Variants in EIF3A observed in about 807,000 individuals in gnomAD.
EIF3A encodes the protein EIF3, p180 subunit.
EIF3A carries 21 observed loss-of-function variants against 186.6 expected under a neutral mutation model. The observed-to-expected ratio is 0.11, with a 90% CI of 0.08 to 0.16. The LOEUF is 0.16. Among genes scored for constraint, EIF3A ranks in the 10% least tolerant of loss-of-function variants. EIF3A has a pLI of 1.00. For missense variants in EIF3A, 1,306 were observed against 1,796.3 expected (o/e 0.73, Z 4.93); for synonymous variants, 563 against 584.3 (o/e 0.96, Z 0.52).
rs1848251234 is a variant in EIF3A, at chr10:119,044,107, G to A, written c.2694C>T (p.Thr898=). The A allele has an allele frequency of 6.2e-7, 1 of 1,613,738 alleles. No homozygotes were observed. The highest frequency in any genetic ancestry group is 1.3e-5 in the African/African-American group (1 of 74,848). ...SRWGDRDSEG[T]WRKGPEADSE... The stretch of plus-strand genomic sequence containing the variant: ...AATCTGCTTCAGGTCCTTTTCTCCA[G>A]GTGCCTTCTGAATCTCTATCTCCCC... The change falls in exon 18 of 22, where the codon ACC becomes ACT. Residue 898 remains threonine (T), a synonymous_variant. Coordinates refer to ENST00000369144, the MANE Select transcript of EIF3A (RefSeq NM_003750.4).
At position 119,080,796 on chromosome 10, in the gene EIF3A, C is replaced by G; in HGVS notation, c.-120G>C. 1 of 1,434,014 alleles carries G rather than the reference C, an allele frequency of 7.0e-7. No homozygotes were observed. Among genetic ancestry groups the G allele is most frequent in the Middle Eastern group, 2.3e-4 (1 of 4,416 alleles). 88.8% of individuals were successfully genotyped at this position (1,434,014 alleles called of 1,614,324 possible). A position where few individuals can be genotyped will look rare whatever the true frequency, so the allele number is the denominator to read the frequency against. The stretch of plus-strand genomic sequence containing the variant: ...CGCCTCGCCAGCAGTCGCCCGCGCC[C>G]AGCCGGCCAGAGACGGAAAGGAAGG... On this transcript the variant is annotated 5_prime_UTR_variant, in exon 1 of 22. Transcript: ENST00000369144.
At chr10:119,065,267 C>A in intron 7 of EIF3A, 132 bp downstream of exon 7, 2 of 663,178 alleles carry the variant, frequency 3.0e-6, no homozygotes, top group Non-Finnish European at 5.2e-6. Flanking sequence ...GTGATTGACA[C>A]CAGTGCTTCC....
At chr10:119,056,628 C>T (rs1441638302) in intron 14 of EIF3A, 112 bp downstream of exon 14, 2 of 708,670 alleles carry the variant, frequency 2.8e-6, no homozygotes, top group East Asian at 2.7e-5. Flanking sequence ...GCCATTAGAG[C>T]ACCATTTCTA....
chr10:119,060,108 A>G (rs749874064), intron 9 of EIF3A: 1 of 510,708 alleles, frequency 2.0e-6, no homozygotes, highest in Non-Finnish European at 3.9e-6. Context: ...CACTACTCAC[A>G]TAAAAGAAAG....
At chr10:119,043,485 G>A (rs1372239976) in intron 18 of EIF3A, among the ~76,000 whole-genome samples, 3 of 151,710 alleles carry the variant, frequency 2.0e-5, no homozygotes, top group South Asian at 2.1e-4. Flanking sequence ...ATGGTGGAGC[G>A]CACCTGTGGT....
At position 119,051,311 on chromosome 10, in the gene EIF3A, A is replaced by G; in HGVS notation, c.2207T>C (p.Met736Thr). ...EQQEEERITT[M>T]QLEREKALEH... The stretch of plus-strand genomic sequence containing the variant: ...AAGAGCCTTTTCACGTTCTAGCTGC[A>G]TTGTAGTAATCTGCAAGTACAAATA... Residue 736 changes from methionine to threonine, a missense_variant, in exon 15 of 22, where the codon ATG (methionine) becomes ACG (threonine). Met to Thr is a moderately conservative substitution (Grantham distance 81, BLOSUM62 -1). This residue lies in a region of EIF3A where 410 missense variants were observed against 473.5 expected (regional missense o/e 0.87). Transcript: ENST00000369144. 1 of 1,592,730 alleles carries G rather than the reference A, an allele frequency of 6.3e-7. No individual in the cohort carries two copies. The highest frequency in any genetic ancestry group is 8.5e-7 in the Non-Finnish European group (1 of 1,173,314).
chr10:119,049,706 GCCTGGGCAA>G, intron 17 of EIF3A, 86 bp downstream of exon 17: 1 of 1,128,454 alleles, frequency 8.9e-7, no homozygotes, highest in South Asian at 1.5e-5. Flanking sequence ...CTGTACTCCA[GCCTGGGCAA>G]CCTGGGCGAC....
At chr10:119,061,154 T>C (rs1843878637) in intron 8 of EIF3A, 70 bp downstream of exon 8, 1 of 803,756 alleles carries the variant, frequency 1.2e-6, no homozygotes. Flanking sequence ...TTAACAAATA[T>C]GAATACAACC....
Position 119,080,214 on chromosome 10 carries a change from G to A in EIF3A, c.49+414C>T, listed in dbSNP as rs568300326. Among the ~76,000 whole-genome samples, 7 of 152,286 alleles carry A rather than the reference G, an allele frequency of 4.6e-5. No homozygotes were observed. In the East Asian group the frequency reaches 5.8e-4, roughly 13 times the overall value. ...CTCTCGCGTGCATTGTCCCCGGGAGGGAGCCATGTTTCTTACTCCCCGGCA... is the reference window on the plus strand; with the variant it reads ...CTCTCGCGTGCATTGTCCCCGGGAGAGAGCCATGTTTCTTACTCCCCGGCA... On this transcript the variant is annotated intron_variant, in intron 1 of 21. Coordinates refer to ENST00000369144, the MANE Select transcript of EIF3A (RefSeq NM_003750.4).
rs116501494 is a variant in EIF3A at position 119,045,463 on chromosome 10, T to G, written c.2659-1321A>C. On this transcript the variant is annotated intron_variant, in intron 17 of 21. Transcript: ENST00000369144. ...ATAGAAACATAACAGTCAAAGGAATTTATGGGCAACACAATTGAGGGAACA... is the reference window on the plus strand; with the variant it reads ...ATAGAAACATAACAGTCAAAGGAATGTATGGGCAACACAATTGAGGGAACA... Among the ~76,000 whole-genome samples, 244 of 152,248 alleles carry G rather than the reference T, an allele frequency of 1.6e-3. 1 individual carries two copies. The highest frequency in any genetic ancestry group is 5.7e-3 in the African/African-American group (236 of 41,536).
intron 7 of EIF3A, among the ~76,000 whole-genome samples, chr10:119,063,325 G>C (rs1417962770): frequency 6.6e-6 from 1 of 152,166 alleles, no homozygotes; most frequent in Non-Finnish European, 1.5e-5. Context: ...GCAAAAGTTA[G>C]CTACAAAGTG....
rs1159479377 is a variant in EIF3A at position 119,058,224 on chromosome 10, G to A, written c.1709C>T (p.Ala570Val). Residue 570 changes from alanine to valine, a missense_variant, in exon 12 of 22, where the codon GCT becomes GTT. Around this residue, in one of 8 missense-constraint regions of EIF3A, gnomAD observed 94 missense variants for 204.9 expected, o/e 0.46. Coordinates refer to ENST00000369144, the MANE Select transcript of EIF3A (RefSeq NM_003750.4). The part of the protein sequence containing the change: ...NSRKEHQRIL[A>V]RRQTIEERKE... ...TCTCTCCTCAATTGTCTGGCGGCGA[G>A]CCAGGATCCGCTGGTGCTCTTTTCG... The A allele has an allele frequency of 5.0e-6, 8 of 1,613,430 alleles. No homozygotes were observed.
In EIF3A at chr10:119,042,019, A is replaced by T; in HGVS notation, c.3501T>A (p.Gly1167=). The change falls in exon 19 of 22, where the codon GGT becomes GGA. Residue 1167 remains glycine (G), a synonymous_variant. Transcript: ENST00000369144. The surrounding 1 kb of genome is among the most constrained non-coding windows in gnomAD (Gnocchi z 7.8). ...FPRRGDDSRP[G]PWRPLVKPGG... ...CTGGCTTGACTAATGGTCTCCAAGG[A>T]CCAGGTCTTGAGTCATCACCCCGTC... The T allele has an allele frequency of 6.2e-7, 1 of 1,614,208 alleles. No homozygotes were observed.
intron 1 of EIF3A, among the ~76,000 whole-genome samples, chr10:119,075,021 G>A (rs1267757111): frequency 3.4e-5 from 4 of 119,106 alleles, no homozygotes; most frequent in East Asian, 5.1e-4. Flanking sequence ...TCGCTGTGTC[G>A]CCCAGGCTGG....
At chr10:119,038,136 C>T (rs764539919) in intron 20 of EIF3A, 102 bp downstream of exon 20, 3 of 1,023,734 alleles carry the variant, frequency 2.9e-6, no homozygotes, top group Non-Finnish European at 4.5e-6. Context: ...AGGCTGCTCT[C>T]GAACTCCTGA....
At chr10:119,066,441 G>A (rs933676761) in intron 6 of EIF3A, among the ~76,000 whole-genome samples, 5 of 147,586 alleles carry the variant, frequency 3.4e-5, no homozygotes, top group Admixed American at 6.8e-5. Context: ...CCCAGGAGGC[G>A]GAGGGTGCAG....
At chr10:119,073,604 A>G (rs1459405306) in intron 2 of EIF3A, 27 bp from the exon 3 acceptor site, 1 of 1,596,888 alleles carries the variant, frequency 6.3e-7, no homozygotes, top group East Asian at 2.2e-5. Flanking sequence ...AAAACTCTTC[A>G]GAACTTATTT....
Position 119,035,504 on chromosome 10 carries a change from T to G in EIF3A, c.*535A>C, listed in dbSNP as rs1273566699. On this transcript the variant is annotated 3_prime_UTR_variant, in exon 22 of 22. Transcript: ENST00000369144. ...AAAACCCCACCGTATCCAATGTTTG[T>G]AATGTTTACTTCAAGTGAATCTAAA... The G allele has an allele frequency of 6.6e-6, 1 of 151,696 alleles. No individual in the cohort carries two copies. The highest frequency in any genetic ancestry group is 1.9e-4 in the East Asian group (1 of 5,162). 9.4% of individuals were successfully genotyped at this position (151,696 alleles called of 1,614,324 possible).
At position 119,065,290 on chromosome 10, in the gene EIF3A, C is replaced by G. The variant is rs1328545444; in HGVS notation, c.1122+109G>C. On this transcript the variant is annotated intron_variant, in intron 7 of 21. Transcript: ENST00000369144. ...CACCAGTGCTTCCCTGTCCATACAT[C>G]AGAACCCTTGGCACTGAATCAGAAT... 1.3e-5 allele frequency: 11 copies of G among 836,146 alleles called. No homozygotes were observed. In the Admixed American group the frequency reaches 2.6e-4, roughly 20 times the overall value. 51.8% of individuals were successfully genotyped at this position (836,146 alleles called of 1,614,324 possible). A position where few individuals can be genotyped will look rare whatever the true frequency, so the allele number is the denominator to read the frequency against.
Sources: allele counts gnomAD v4.1 joint callset (sites outside exome capture counted in the v4.1 genomes callset), GRCh38; gene constraint gnomAD v4.1.1; regional missense constraint gnomAD v4.1.1; non-coding constraint Gnocchi (gnomAD v3.1); transcripts MANE v1.5; gene names NCBI Gene and HGNC (gene_info 2026-07-23, HGNC 2026-07-21).